ACAP2: variants seen among roughly 807,000 people sequenced by gnomAD.
ACAP2 encodes arf-GAP with coiled-coil, ANK repeat and PH domain-containing protein 2.
In ACAP2, 39 loss-of-function variants were observed where a neutral mutation model predicts 115.8. That is an observed-to-expected ratio of 0.34 (90% CI 0.26 to 0.44). The LOEUF is 0.44. ACAP2 is among the 20% of genes least tolerant of loss of function. The pLI is 1.00. For synonymous variants in ACAP2, 289 were observed against 315.8 expected, an observed-to-expected ratio of 0.92 and a Z score of 0.90; for missense variants, 662 against 927.6, an observed-to-expected ratio of 0.71 and a Z score of 3.72.
In ACAP2 at chr3:195,407,919, A is replaced by T. The variant is rs567797452; in HGVS notation, c.54-15772T>A. Among the ~76,000 whole-genome samples the T allele has an allele frequency of 3.8e-4, 58 of 152,302 alleles. No individual in the cohort carries two copies. In the Middle Eastern group the frequency reaches 0.017, roughly 45 times the overall value. ...AAATGACAAACCTTTAGCTCTACAGAATTTTTTTTAAAAAGAAGACTCAAA... is the reference window on the plus strand; with the variant it reads ...AAATGACAAACCTTTAGCTCTACAGTATTTTTTTTAAAAAGAAGACTCAAA... On this transcript the variant is annotated intron_variant, in intron 1 of 22. Transcript: ENST00000326793.
chr3:195,424,739 G>T (rs769998707), intron 1 of ACAP2, among the ~76,000 whole-genome samples: 14 of 151,536 alleles, frequency 9.2e-5, no homozygotes, highest in African/African-American at 3.4e-4. Context: ...AACACAGTGA[G>T]ATTTCGTCTC....
In ACAP2 at chr3:195,294,699, T is replaced by A; in HGVS notation, c.1765+20A>T. 6.9e-7 allele frequency: 1 copy of A among 1,450,536 alleles called. No individual in the cohort carries two copies. The highest frequency in any genetic ancestry group is 9.4e-7 in the Non-Finnish European group (1 of 1,062,170). The allele number at this position is 1,450,536 out of a possible 1,614,324, so 89.9% of individuals were successfully genotyped here. A position where few individuals can be genotyped will look rare whatever the true frequency, so the allele number is the denominator to read the frequency against. ...TCCAGCAAACAAAACCAATTAACAT[T>A]GAGTTTCATCAGAACTCACCAGGCT... On this transcript the variant is annotated intron_variant, in intron 18 of 22. Coordinates refer to ENST00000326793, the MANE Select transcript of ACAP2 (RefSeq NM_012287.6).
intron 4 of ACAP2, among the ~76,000 whole-genome samples, chr3:195,363,588 G>GA (rs1004744030): frequency 1.3e-5 from 2 of 150,570 alleles, no homozygotes; most frequent in Non-Finnish European, 3.0e-5. Context: ...CACAAAAATA[G>GA]AAAAAAAATC....
At chr3:195,402,420 T>G (rs1712386748) in intron 1 of ACAP2, among the ~76,000 whole-genome samples, 2 of 152,158 alleles carry the variant, frequency 1.3e-5, no homozygotes, top group African/African-American at 4.8e-5. Flanking sequence ...AATAAAGAAC[T>G]ACAAACAATT....
chr3:195,362,669 T>A (rs1054749445), intron 4 of ACAP2, among the ~76,000 whole-genome samples: 1 of 152,180 alleles, frequency 6.6e-6, no homozygotes, highest in African/African-American at 2.4e-5. Context: ...ATGTAAGGAT[T>A]CAACATATGC....
intron 6 of ACAP2, among the ~76,000 whole-genome samples, chr3:195,341,073 A>ACTAT (rs1344103636): frequency 1.3e-5 from 2 of 152,186 alleles, no homozygotes; most frequent in African/African-American, 4.8e-5. Flanking sequence ...GAGGACAACC[A>ACTAT]CTATTGTTTT....
intron 1 of ACAP2, among the ~76,000 whole-genome samples, chr3:195,414,847 C>T (rs1294821709): frequency 6.6e-6 from 1 of 152,122 alleles, no homozygotes; most frequent in Admixed American, 6.6e-5. Context: ...ATAAAGGATA[C>T]TTAACCTGTA....
At chr3:195,332,980 C>T in intron 8 of ACAP2, 48 bp downstream of exon 8, 1 of 1,401,986 alleles carries the variant, frequency 7.1e-7, no homozygotes, top group Non-Finnish European at 9.9e-7. Flanking sequence ...TTTAAAAATA[C>T]AAATACCAAT....
At chr3:195,281,006 G>A (rs1726464858) in intron 22 of ACAP2, among the ~76,000 whole-genome samples, 1 of 152,194 alleles carries the variant, frequency 6.6e-6, no homozygotes, top group Non-Finnish European at 1.5e-5. Flanking sequence ...TTTGAAGCAA[G>A]AGATGTCATA....
At chr3:195,282,362 A>C (rs1560196246) in intron 22 of ACAP2, 1 of 152,210 alleles carries the variant, frequency 6.6e-6, no homozygotes, top group Non-Finnish European at 1.5e-5. Flanking sequence ...TATAATACAA[A>C]AGGAAGTTGC....
At chr3:195,400,581 T>C (rs1391614450) in intron 1 of ACAP2, among the ~76,000 whole-genome samples, 4 of 152,134 alleles carry the variant, frequency 2.6e-5, no homozygotes, top group Admixed American at 6.5e-5. Flanking sequence ...ATTCTTATCA[T>C]TGTAGTAGGC....
intron 2 of ACAP2, among the ~76,000 whole-genome samples, chr3:195,383,443 T>C (rs930442144): frequency 3.0e-4 from 45 of 152,032 alleles, no homozygotes; most frequent in African/African-American, 1.1e-3. Flanking sequence ...ATAAATGATA[T>C]TAGGGACACT....
chr3:195,351,136 G>T (rs1296549304), intron 4 of ACAP2, among the ~76,000 whole-genome samples: 1 of 98,430 alleles, frequency 1.0e-5, no homozygotes. Flanking sequence ...TTTTGGGCGG[G>T]GGACAGGGTC....
chr3:195,415,862 GA>G (rs904400416), intron 1 of ACAP2, among the ~76,000 whole-genome samples: 5 of 151,912 alleles, frequency 3.3e-5, no homozygotes, highest in Admixed American at 6.6e-5. Context: ...ATTTTAGGAT[GA>G]AAAAAACGCT....
chr3:195,308,276 G>A (rs1207808311), intron 11 of ACAP2, among the ~76,000 whole-genome samples: 1 of 151,182 alleles, frequency 6.6e-6, no homozygotes, highest in East Asian at 2.0e-4. Flanking sequence ...CTTCAAAATA[G>A]TGCTATGGAA....
At chr3:195,435,380 G>A (rs1715458568) in intron 1 of ACAP2, among the ~76,000 whole-genome samples, 1 of 151,504 alleles carries the variant, frequency 6.6e-6, no homozygotes, top group African/African-American at 2.4e-5. Flanking sequence ...TCACCATGTT[G>A]GTCTCTCAAT....
intron 21 of ACAP2, among the ~76,000 whole-genome samples, chr3:195,286,319 A>T (rs1726842712): frequency 1.3e-5 from 2 of 152,222 alleles, no homozygotes; most frequent in Non-Finnish European, 2.9e-5. Flanking sequence ...CTGGGAATAT[A>T]TTTTGATATA....
chr3:195,372,418 G>A (rs1174286769), intron 4 of ACAP2, among the ~76,000 whole-genome samples: 1 of 152,146 alleles, frequency 6.6e-6, no homozygotes, highest in Non-Finnish European at 1.5e-5. Context: ...CCTGAGGCTG[G>A]ACACAGTGAC....
chr3:195,340,046 A>T (rs1017728208), intron 6 of ACAP2, among the ~76,000 whole-genome samples: 2 of 151,694 alleles, frequency 1.3e-5, no homozygotes, highest in African/African-American at 4.8e-5. Context: ...AGTCTGAGTA[A>T]CCCGGATCAC....
Sources: gnomAD v4.1 joint callset for allele counts (sites outside exome capture counted in the v4.1 genomes callset) on GRCh38, gnomAD v4.1.1 for gene constraint, MANE v1.5 for transcripts, NCBI Gene and HGNC (gene_info 2026-07-23, HGNC 2026-07-21) for gene names.